The following RBPMS variants were observed in gnomAD, a reference collection of about 807,000 sequenced individuals.
The protein encoded by RBPMS is RNA binding protein, mRNA processing factor.
A neutral mutation model predicts 26.8 loss-of-function variants in RBPMS; 7 were observed. The ratio of observed to expected loss-of-function variants is 0.26; its 90% CI spans 0.15 to 0.49. The LOEUF is 0.49. Ranked by LOEUF, RBPMS falls within the 20% of genes least tolerant of loss-of-function variation. The pLI is 0.98. For synonymous variants in RBPMS, 96 were observed against 93.3 expected (o/e 1.03, Z -0.17); for missense variants, 186 against 250.0 (o/e 0.74, Z 1.73).
At chr8:30,467,756 G>C (rs1406736915) in intron 1 of RBPMS, among the ~76,000 whole-genome samples, 1 of 152,132 alleles carries the variant, frequency 6.6e-6, no homozygotes, top group Non-Finnish European at 1.5e-5. Flanking sequence ...TCAAGGACAG[G>C]GAGGAAAATG....
At chr8:30,447,559 C>G (rs895319520) in intron 1 of RBPMS, among the ~76,000 whole-genome samples, 5 of 152,138 alleles carry the variant, frequency 3.3e-5, no homozygotes, top group African/African-American at 1.2e-4. Context: ...TTCCTTCCAG[C>G]CTGTCACCCA....
intron 1 of RBPMS, among the ~76,000 whole-genome samples, chr8:30,413,551 A>C (rs1178349900): frequency 6.6e-6 from 1 of 152,228 alleles, no homozygotes; most frequent in Non-Finnish European, 1.5e-5. Flanking sequence ...CTGTAAGATA[A>C]ATACCAATAT....
chr8:30,391,955 A>G (rs1585326684), intron 1 of RBPMS, among the ~76,000 whole-genome samples: 1 of 151,888 alleles, frequency 6.6e-6, no homozygotes, highest in East Asian at 1.9e-4. Context: ...TGATGAAGGG[A>G]TTATGATGAT....
At chr8:30,569,712 G>A in intron 8 of RBPMS, among the ~76,000 whole-genome samples, 1 of 152,142 alleles carries the variant, frequency 6.6e-6, no homozygotes, top group Admixed American at 6.5e-5. Context: ...TGGTGATGGT[G>A]GAGTGGAAGG....
At position 30,529,805 on chromosome 8, in the gene RBPMS, G is replaced by GT. The variant is rs1824014506; in HGVS notation, c.398-14688dup. Among the ~76,000 whole-genome samples, 4 of 150,652 alleles carry GT rather than the reference G, an allele frequency of 2.7e-5. 1 individual carries two copies. Among genetic ancestry groups the GT allele is most frequent in the Admixed American group, 2.6e-4 (4 of 15,116 alleles). On this transcript the variant is annotated intron_variant, in intron 5 of 8. Coordinates refer to ENST00000397323, the MANE Select transcript of RBPMS (RefSeq NM_001008710.3). Reference sequence around the variant, plus strand: ...ATTTACTCTTGTTGCCCAGGCTGGAGTGCAATGGCATGATCTCGGCTCACC... The same window carrying GT: ...ATTTACTCTTGTTGCCCAGGCTGGAGTTGCAATGGCATGATCTCGGCTCACC...
intron 8 of RBPMS, among the ~76,000 whole-genome samples, chr8:30,567,430 T>G (rs1309057966): frequency 6.6e-6 from 1 of 152,184 alleles, no homozygotes; most frequent in African/African-American, 2.4e-5. Flanking sequence ...ACCCAAGCTT[T>G]TTTCACATCA....
chr8:30,429,759 T>A (rs1330010794), intron 1 of RBPMS, among the ~76,000 whole-genome samples: 2 of 152,218 alleles, frequency 1.3e-5, no homozygotes, highest in African/African-American at 4.8e-5. Flanking sequence ...TCTCCAGGTT[T>A]CCACATCTTA....
intron 8 of RBPMS, among the ~76,000 whole-genome samples, chr8:30,567,254 A>G (rs1303790255): frequency 6.6e-6 from 1 of 152,180 alleles, no homozygotes; most frequent in Non-Finnish European, 1.5e-5. Context: ...TGAGGGGCTT[A>G]AGTCACTTCA....
intron 7 of RBPMS, among the ~76,000 whole-genome samples, chr8:30,562,745 C>T (rs1045587934): frequency 1.3e-5 from 2 of 152,132 alleles, no homozygotes; most frequent in Admixed American, 6.5e-5. Flanking sequence ...TCTCTCCGTT[C>T]GGCGGGGAGG....
intron 1 of RBPMS, among the ~76,000 whole-genome samples, chr8:30,459,807 A>T (rs1032653757): frequency 1.3e-5 from 2 of 152,374 alleles, no homozygotes; most frequent in African/African-American, 4.8e-5. Flanking sequence ...AATAAACTTT[A>T]AAAAATATTT....
chr8:30,415,869 A>T (rs928869722), intron 1 of RBPMS, among the ~76,000 whole-genome samples: 3 of 152,238 alleles, frequency 2.0e-5, no homozygotes, highest in African/African-American at 7.2e-5. Flanking sequence ...TGATGTCTTC[A>T]TCTAAGAGAA....
At chr8:30,496,253 C>T (rs959842915) in intron 4 of RBPMS, among the ~76,000 whole-genome samples, 2 of 151,636 alleles carry the variant, frequency 1.3e-5, no homozygotes, top group South Asian at 4.2e-4. Flanking sequence ...ACTGTAATCT[C>T]CACCACCTGA....
chr8:30,466,094 A>G (rs1228709709), intron 1 of RBPMS, among the ~76,000 whole-genome samples: 1 of 152,204 alleles, frequency 6.6e-6, no homozygotes, highest in Non-Finnish European at 1.5e-5. Context: ...CATAGGCCCT[A>G]AATCAGGGTA....
chr8:30,387,163 A>G (rs903674332), intron 1 of RBPMS: 2 of 152,170 alleles, frequency 1.3e-5, no homozygotes, highest in Middle Eastern at 3.2e-3. Flanking sequence ...CTTTTTAGCA[A>G]AACACTTGTT....
intron 1 of RBPMS, among the ~76,000 whole-genome samples, chr8:30,451,963 C>A (rs1357229928): frequency 2.0e-5 from 3 of 152,136 alleles, no homozygotes; most frequent in Non-Finnish European, 4.4e-5. Flanking sequence ...AGAAAGACGT[C>A]ACATCCATAG....
chr8:30,566,234 C>T (rs559885052), intron 7 of RBPMS, 23 bp from the exon 8 acceptor site: 5 of 985,594 alleles, frequency 5.1e-6, no homozygotes, highest in Admixed American at 6.1e-5. Flanking sequence ...GCACCGTTAA[C>T]GGGTGATCTT....
intron 6 of RBPMS, chr8:30,549,673 C>A: frequency 1.1e-6 from 1 of 951,366 alleles, no homozygotes; most frequent in Non-Finnish European, 1.7e-6. Context: ...GCGCCAGCCT[C>A]CTGTGAGAGT....
chr8:30,561,677 G>C (rs1414186718), intron 7 of RBPMS, among the ~76,000 whole-genome samples: 1 of 152,122 alleles, frequency 6.6e-6, no homozygotes, highest in Non-Finnish European at 1.5e-5. Flanking sequence ...GGAGAAGCAG[G>C]GTGCGCCGGC....
chr8:30,547,165 C>T (rs1358261766), intron 6 of RBPMS: 15 of 701,298 alleles, frequency 2.1e-5, no homozygotes, highest in East Asian at 7.6e-5. Flanking sequence ...GGGGCATCTC[C>T]CCATATTGGA....
Sources: allele counts gnomAD v4.1 joint callset (sites outside exome capture counted in the v4.1 genomes callset), GRCh38; gene constraint gnomAD v4.1.1; transcripts MANE v1.5; gene names NCBI Gene and HGNC (gene_info 2026-07-23, HGNC 2026-07-21).